Variants in NEMF observed in about 807,000 individuals in gnomAD.
The protein encoded by NEMF is ribosome quality control complex subunit NEMF.
In NEMF, 89 loss-of-function variants were observed where a neutral mutation model predicts 162.2. That is an observed-to-expected ratio of 0.55 (90% CI 0.46 to 0.65). The LOEUF (loss-of-function observed/expected upper bound fraction) is 0.65. NEMF is among the 30% of genes least tolerant of loss of function. The pLI is 0.00. For missense variants in NEMF, 1,133 were observed against 1,261.9 expected (o/e 0.90, Z 1.55); for synonymous variants, 421 against 404.5 (o/e 1.04, Z -0.49).
rs1043968080 is a variant in NEMF at position 49,851,678 on chromosome 14, A to G, written c.129-13T>C. The G allele has an allele frequency of 3.1e-6, 5 of 1,609,664 alleles. No homozygotes were observed. Among genetic ancestry groups the G allele is most frequent in the Admixed American group, 1.7e-5 (1 of 59,894 alleles). On this transcript the variant is annotated splice_polypyrimidine_tract_variant and intron_variant, in intron 2 of 32. Coordinates refer to ENST00000298310, the MANE Select transcript of NEMF (RefSeq NM_004713.6). ...TTTAAAGTCCGGTCTGTAGAAGAAA[A>G]AAGTCGAATTTTTCTTTAGGGTATA...
chr14:49,793,496 T>C (rs1272143648), intron 26 of NEMF, among the ~76,000 whole-genome samples: 2 of 152,196 alleles, frequency 1.3e-5, no homozygotes, highest in African/African-American at 4.8e-5. Flanking sequence ...ATTATAGTTT[T>C]CCACAGGAAG....
rs1891641818 is a variant in NEMF, at chr14:49,814,757, G to C, written c.1678C>G (p.Pro560Ala). 6.4e-7 allele frequency: 1 copy of C among 1,552,454 alleles called. No individual in the cohort carries two copies. Among genetic ancestry groups the C allele is most frequent in the African/African-American group, 1.4e-5 (1 of 71,648 alleles). The stretch of plus-strand genomic sequence containing the variant: ...TCCGAATTTTAATCTTACCTACCTG[G>C]TGTCAAGTATCTTTTCACAATTATT... ...NEIIVKRYLT[P>A]GDIYVHADLH... Residue 560 changes from proline to alanine, a missense_variant, in exon 17 of 33, where the codon CCA (proline) becomes GCA (alanine). Transcript: ENST00000298310.
intron 7 of NEMF, 99 bp downstream of exon 7, chr14:49,834,264 T>C: frequency 1.3e-6 from 1 of 767,478 alleles, no homozygotes; most frequent in Non-Finnish European, 2.2e-6. Context: ...TCAAATGTTT[T>C]TCATTCTAGA....
rs1391125434 is a variant in NEMF, at chr14:49,784,033, C to G, written c.*603G>C. The stretch of plus-strand genomic sequence containing the variant: ...TAAGCAATCAAGCCACTTCACTGTT[C>G]AGTTTCTTTACATCATGAAATGAAT... On this transcript the variant is annotated 3_prime_UTR_variant, in exon 33 of 33. Transcript: ENST00000298310. 6.6e-6 allele frequency: 1 copy of G among 151,914 alleles called. No individual in the cohort carries two copies. The highest frequency in any genetic ancestry group is 1.5e-5 in the Non-Finnish European group (1 of 67,940). The allele number at this position is 151,914 out of a possible 1,614,324, so 9.4% of individuals were successfully genotyped here.
Position 49,851,559 on chromosome 14 carries a change from T to A in NEMF, c.231+4A>T. On this transcript the variant is annotated splice_donor_region_variant and intron_variant, in intron 3 of 32. Coordinates refer to ENST00000298310, the MANE Select transcript of NEMF (RefSeq NM_004713.6). The stretch of plus-strand genomic sequence containing the variant: ...AAATTTAGCTTCAAGCGTAACAAGT[T>A]TACCTTCATGGCAAAACTAGACGGC... 6.2e-7 allele frequency: 1 copy of A among 1,604,588 alleles called. No homozygotes were observed. Among genetic ancestry groups the A allele is most frequent in the Non-Finnish European group, 8.5e-7 (1 of 1,172,122 alleles).
Position 49,782,489 on chromosome 14 carries a change from AC to A in NEMF, c.*2146del. 6.3e-7 allele frequency: 1 copy of A among 1,597,732 alleles called. No homozygotes were observed. The highest frequency in any genetic ancestry group is 2.2e-5 in the East Asian group (1 of 44,734). ...ATACTACCTTCACATTATTACTGAA[AC>A]TTACTTGCAAAGCATTTGCTTTTAA... On this transcript the variant is annotated 3_prime_UTR_variant, in exon 33 of 33. Coordinates refer to ENST00000298310, the MANE Select transcript of NEMF (RefSeq NM_004713.6).
rs540506361 is a variant in NEMF, at chr14:49,783,007, A to T, written c.*1629T>A. The T allele has an allele frequency of 3.9e-5, 60 of 1,555,818 alleles. No individual in the cohort carries two copies. The African/African-American group carries it at 7.7e-4, about 20-fold the overall frequency. On this transcript the variant is annotated 3_prime_UTR_variant, in exon 33 of 33. Coordinates refer to ENST00000298310, the MANE Select transcript of NEMF (RefSeq NM_004713.6). ...TTGCATGGACAGCAATCCTGTAAAC[A>T]TCACAGAGTGGCATCATTTGTATAA...
chr14:49,813,726 T>C (rs1296556763), intron 18 of NEMF, among the ~76,000 whole-genome samples: 1 of 151,864 alleles, frequency 6.6e-6, no homozygotes, highest in Non-Finnish European at 1.5e-5. Flanking sequence ...CCACCTCAGC[T>C]TTCTGTAGCT....
chr14:49,838,685 C>T (rs1476917187), intron 5 of NEMF, among the ~76,000 whole-genome samples: 3 of 150,024 alleles, frequency 2.0e-5, no homozygotes, highest in Non-Finnish European at 3.0e-5. Flanking sequence ...CCTGGGTTCA[C>T]GCCATTCTCC....
chr14:49,831,494 G>A, intron 10 of NEMF, 133 bp from the exon 11 acceptor site: 2 of 617,064 alleles, frequency 3.2e-6, no homozygotes, highest in East Asian at 5.6e-5. Flanking sequence ...CGGGACTGCA[G>A]TGGCGCGATC....
At chr14:49,794,698 T>C (rs1890608036) in intron 26 of NEMF, among the ~76,000 whole-genome samples, 2 of 144,290 alleles carry the variant, frequency 1.4e-5, no homozygotes, top group African/African-American at 5.0e-5. Flanking sequence ...CATAATCCCC[T>C]CATTTTTATA....
chr14:49,831,905 G>GT, intron 10 of NEMF, 146 bp downstream of exon 10: 2 of 591,390 alleles, frequency 3.4e-6, no homozygotes, highest in South Asian at 4.8e-5. Context: ...TCCAACAGCT[G>GT]TATCTGTGAC....
intron 6 of NEMF, among the ~76,000 whole-genome samples, chr14:49,835,308 T>G (rs1160186414): frequency 1.3e-5 from 2 of 152,174 alleles, no homozygotes; most frequent in East Asian, 3.8e-4. Context: ...TATAGGAATT[T>G]AATGGGCTTC....
At chr14:49,809,796 C>G (rs377234486) in intron 18 of NEMF, among the ~76,000 whole-genome samples, 1 of 151,686 alleles carries the variant, frequency 6.6e-6, no homozygotes. Context: ...GGGAGGCAGA[C>G]GTTGCAGTAA....
At chr14:49,841,578 GAAAAA>G (rs535773426) in intron 4 of NEMF, among the ~76,000 whole-genome samples, 5 of 73,316 alleles carry the variant, frequency 6.8e-5, no homozygotes, top group Non-Finnish European at 5.3e-5. Context: ...CTCGTCTTAA[GAAAAA>G]AAAAAAAAAA....
At chr14:49,829,031 G>T in intron 13 of NEMF, 23 bp downstream of exon 13, 3 of 1,593,352 alleles carry the variant, frequency 1.9e-6, no homozygotes, top group South Asian at 2.2e-5. Context: ...AGCATTAACT[G>T]CTTGACTAAG....
intron 10 of NEMF, 45 bp from the exon 11 acceptor site, chr14:49,831,406 T>C (rs917002897): frequency 1.8e-6 from 2 of 1,132,216 alleles, no homozygotes; most frequent in Non-Finnish European, 2.7e-6. Context: ...AAGCACAGTC[T>C]CTACTTCAAC....
rs1371175307 is a variant in NEMF, at chr14:49,851,605, A to C, written c.189T>G (p.Phe63Leu). 3 of 1,613,992 alleles carry C rather than the reference A, an allele frequency of 1.9e-6. No homozygotes were observed. Among genetic ancestry groups the C allele is most frequent in the Non-Finnish European group, 2.5e-6 (3 of 1,179,938 alleles). ...ACGGCATCATATTCTTAGGCCACTC[A>C]AATTCTGTTGTATGAATTCGTATGC... ...ESGIRIHTTE[F>L]EWPKNMMPSS... The change falls in exon 3 of 33, where the codon TTT becomes TTG. Residue 63 changes from phenylalanine (F) to leucine (L), a missense_variant. Transcript: ENST00000298310.
chr14:49,829,190 G>A lies in NEMF; in HGVS notation c.1096C>T (p.Arg366Ter), dbSNP rs1293355551. The A allele has an allele frequency of 1.9e-6, 3 of 1,613,932 alleles. No individual in the cohort carries two copies. Among genetic ancestry groups the A allele is most frequent in the Non-Finnish European group, 2.5e-6 (3 of 1,179,994 alleles). The change falls in exon 13 of 33, where the codon CGA becomes TGA. Residue 366 changes from arginine to a stop codon, truncating the protein, a stop_gained. Coordinates refer to ENST00000298310, the MANE Select transcript of NEMF (RefSeq NM_004713.6). LOFTEE classifies it high-confidence loss of function. ...QIVDRAIQVVRSALANQIDWT... is the reference protein window; with the variant it reads ...QIVDRAIQVV ...TCTATCTGGTTAGCTAAAGCACTTC[G>A]AACTACCTGAATGGCTCTGTCAACT... is the stretch of plus-strand genomic sequence containing the variant.
Sources: gnomAD v4.1 joint callset for allele counts (sites outside exome capture counted in the v4.1 genomes callset) on GRCh38, gnomAD v4.1.1 for gene constraint, MANE v1.5 for transcripts, NCBI Gene and HGNC (gene_info 2026-07-23, HGNC 2026-07-21) for gene names.